The following NT5DC3 variants were observed in gnomAD, a reference collection of about 807,000 sequenced individuals.
The protein encoded by NT5DC3 is 5'-nucleotidase domain containing 3, also known as 5'-nucleotidase domain-containing protein 3.
A neutral mutation model predicts 67.8 loss-of-function variants in NT5DC3; 42 were observed. The ratio of observed to expected loss-of-function variants is 0.62; its 90% CI spans 0.48 to 0.80. The LOEUF (loss-of-function observed/expected upper bound fraction) is 0.80. NT5DC3 is among the 30% of genes least tolerant of loss of function. The pLI, the probability that NT5DC3 is intolerant of heterozygous loss-of-function variation, is 0.00. For synonymous variants in NT5DC3, 237 were observed against 255.6 expected, an observed-to-expected ratio of 0.93 and a Z score of 0.69; for missense variants, 570 against 696.4, an observed-to-expected ratio of 0.82 and a Z score of 2.04.
chr12:103,825,365 A>G (rs767745696), intron 1 of NT5DC3, among the ~76,000 whole-genome samples: 27 of 152,220 alleles, frequency 1.8e-4, no homozygotes, highest in Admixed American at 6.5e-4. Context: ...ACTACATACA[A>G]CTACATTTGA....
chr12:103,755,249 G>T, the NT5DC3 span: 2 of 1,595,194 alleles, frequency 1.3e-6, no homozygotes, highest in Admixed American at 3.4e-5. Flanking sequence ...ACCAAGTGAT[G>T]CCACAACACA....
downstream of NT5DC3, among the ~76,000 whole-genome samples, chr12:103,767,377 TAG>T (rs1395404505): frequency 7.2e-5 from 11 of 152,158 alleles, no homozygotes; most frequent in Non-Finnish European, 1.6e-4. Context: ...TGATGATTGA[TAG>T]AGACAGAAAG....
At chr12:103,780,469 C>A in intron 12 of NT5DC3, 105 bp from the exon 13 acceptor site, 1 of 993,922 alleles carries the variant, frequency 1.0e-6, no homozygotes, top group South Asian at 1.3e-5. Flanking sequence ...ATTTTATTCC[C>A]TTACATCTCA....
At chr12:103,778,163 C>T (rs1885407213) in intron 13 of NT5DC3, 82 bp from the exon 14 acceptor site, 1 of 1,273,226 alleles carries the variant, frequency 7.9e-7, no homozygotes, top group East Asian at 2.8e-5. Context: ...AAAATCACTT[C>T]TTTTTTTAAA....
At position 103,798,627 on chromosome 12, in the gene NT5DC3, GACCCCTCGT is replaced by G. The variant is rs1886425318; in HGVS notation, c.566_574del (p.Tyr189_Gly191del). The G allele has an allele frequency of 6.2e-7, 1 of 1,613,868 alleles. No individual in the cohort carries two copies. The highest frequency in any genetic ancestry group is 8.5e-7 in the Non-Finnish European group (1 of 1,179,870). ...ACTCATCTGCTCCAAGGGCACGTGG[GACCCCTCGT>G]ACATTTCAATGACTTCTTCATCAGG... On this transcript the variant is annotated inframe_deletion, in exon 5 of 14. Coordinates refer to ENST00000392876, the MANE Select transcript of NT5DC3 (RefSeq NM_001031701.3).
chr12:103,840,943 ACT>A lies in NT5DC3; in HGVS notation c.208+4_208+5del, dbSNP rs1888394106. On this transcript the variant is annotated splice_donor_5th_base_variant and intron_variant, in intron 1 of 13. Transcript: ENST00000392876. ...GGCGCCGGGGCGGGGTCGCCGCCTC[ACT>A]CACCTTCTGTGCTTCTCTTCGCCTC... 20 of 1,354,654 alleles carry A rather than the reference ACT, an allele frequency of 1.5e-5. No homozygotes were observed. The highest frequency in any genetic ancestry group is 1.2e-5 in the Non-Finnish European group (13 of 1,045,870). The allele number at this position is 1,354,654 out of a possible 1,614,324, so 83.9% of individuals were successfully genotyped here. A position where few individuals can be genotyped will look rare whatever the true frequency, so the allele number is the denominator to read the frequency against.
chr12:103,780,505 A>C, intron 12 of NT5DC3, 141 bp from the exon 13 acceptor site: 1 of 716,486 alleles, frequency 1.4e-6, no homozygotes. Flanking sequence ...ATGAAATAAT[A>C]CATTTTTCAG....
At chr12:103,746,949 C>CTTTTTTTTTTTTTT in the NT5DC3 span, among the ~76,000 whole-genome samples, 1 of 96,078 alleles carries the variant, frequency 1.0e-5, no homozygotes, top group Non-Finnish European at 2.1e-5. Flanking sequence ...GTTTTTCTTT[C>CTTTTTTTTTTTTTT]TTTTTTTTTT....
chr12:103,810,687 C>T (rs1886991823), intron 2 of NT5DC3, among the ~76,000 whole-genome samples: 1 of 152,232 alleles, frequency 6.6e-6, no homozygotes, highest in Non-Finnish European at 1.5e-5. Flanking sequence ...CAAAGTGTCC[C>T]CCTGAAAATG....
chr12:103,814,937 C>A lies in NT5DC3; in HGVS notation c.393G>T (p.Arg131=). 6.3e-7 allele frequency: 1 copy of A among 1,599,468 alleles called. No individual in the cohort carries two copies. Among genetic ancestry groups the A allele is most frequent in the South Asian group, 1.1e-5 (1 of 87,926 alleles). The change falls in exon 2 of 14, where the codon CGG becomes CGT. Residue 131 remains arginine (R), a splice_region_variant and synonymous_variant. Coordinates refer to ENST00000392876, the MANE Select transcript of NT5DC3 (RefSeq NM_001031701.3). ...GCCTGAAATGTCCCTGTGATCTTAC[C>A]CGGTGTTCATTGATGAGAAGGTCCC... The part of the protein sequence containing the change: ...AARDLLINEH[R]YPAEIRKYEY...
chr12:103,758,931 A>AT, the NT5DC3 span, among the ~76,000 whole-genome samples: 1 of 152,138 alleles, frequency 6.6e-6, no homozygotes, highest in Non-Finnish European at 1.5e-5. Context: ...ATGACATTCA[A>AT]TCCCCCATCC....
intron 11 of NT5DC3, 105 bp from the exon 12 acceptor site, chr12:103,785,580 G>C: frequency 1.8e-6 from 2 of 1,118,958 alleles, no homozygotes; most frequent in Non-Finnish European, 2.7e-6. Flanking sequence ...CTTTTTGATG[G>C]TAATGGTTAG....
chr12:103,813,183 T>C (rs925381064), intron 2 of NT5DC3, among the ~76,000 whole-genome samples: 2 of 152,180 alleles, frequency 1.3e-5, no homozygotes, highest in African/African-American at 2.4e-5. Flanking sequence ...CCAGCACCAA[T>C]ATAACACCCC....
the NT5DC3 span, chr12:103,763,486 A>G: frequency 3.1e-6 from 5 of 1,613,380 alleles, no homozygotes; most frequent in African/African-American, 5.3e-5. Context: ...TTGTCTTTCC[A>G]AACAGTCGGA....
At chr12:103,834,400 A>C (rs778743416) in intron 1 of NT5DC3, among the ~76,000 whole-genome samples, 5 of 152,240 alleles carry the variant, frequency 3.3e-5, no homozygotes, top group Non-Finnish European at 5.9e-5. Flanking sequence ...GTACTCCTCA[A>C]AACTGTAGGT....
chr12:103,757,621 G>A, the NT5DC3 span, among the ~76,000 whole-genome samples: 9 of 152,336 alleles, frequency 5.9e-5, no homozygotes, highest in East Asian at 1.7e-3. Context: ...TGTAAACAGG[G>A]GAGAGGGAGT....
chr12:103,766,274 TCTCTTTTCCAGGA>T, downstream of NT5DC3: 2 of 1,613,702 alleles, frequency 1.2e-6, no homozygotes, highest in Non-Finnish European at 1.7e-6. Flanking sequence ...CTTACAACCC[TCTCTTTTCCAGGA>T]CTCTGAAGAA....
In NT5DC3 at chr12:103,785,327, A is replaced by G. The variant is rs759701029; in HGVS notation, c.1329+8T>C. The G allele has an allele frequency of 3.7e-6, 6 of 1,613,884 alleles. No homozygotes were observed. Among genetic ancestry groups the G allele is most frequent in the Non-Finnish European group, 5.1e-6 (6 of 1,179,788 alleles). On this transcript the variant is annotated splice_region_variant and intron_variant, in intron 12 of 13. Coordinates refer to ENST00000392876, the MANE Select transcript of NT5DC3 (RefSeq NM_001031701.3). ...AAAAAGTGAGAGAGAAAAATAATAT[A>G]TCCAAACCTGCATCTGTTCCAATAA... is the stretch of plus-strand genomic sequence containing the variant.
intron 1 of NT5DC3, among the ~76,000 whole-genome samples, chr12:103,823,719 A>G (rs999420724): frequency 7.9e-5 from 12 of 152,214 alleles, no homozygotes; most frequent in Non-Finnish European, 1.3e-4. Context: ...AATTTCTTTT[A>G]AAAGTATACC....
Sources: allele counts gnomAD v4.1 joint callset (sites outside exome capture counted in the v4.1 genomes callset), GRCh38; gene constraint gnomAD v4.1.1; transcripts MANE v1.5; gene names NCBI Gene and HGNC (gene_info 2026-07-23, HGNC 2026-07-21).